Variants in PDE10A observed in about 807,000 individuals in gnomAD.
The protein encoded by PDE10A is cAMP and cAMP-inhibited cGMP 3',5'-cyclic phosphodiesterase 10A.
A neutral mutation model predicts 97.7 loss-of-function variants in PDE10A; 39 were observed. That is an observed-to-expected ratio of 0.40 (90% CI 0.31 to 0.52). The LOEUF is 0.52. Ranked by LOEUF, PDE10A falls within the 20% of genes least tolerant of loss-of-function variation. The pLI is 0.56. For missense variants in PDE10A, 731 were observed against 1,047.8 expected (o/e 0.70, Z 4.17); for synonymous variants, 371 against 376.8 (o/e 0.98, Z 0.18).
intron 1 of PDE10A, among the ~76,000 whole-genome samples, chr6:165,715,156 G>C (rs1444388166): frequency 6.6e-6 from 1 of 152,222 alleles, no homozygotes; most frequent in Non-Finnish European, 1.5e-5. Flanking sequence ...GGCCGGCGCT[G>C]CTTACACTCA....
At chr6:165,950,912 T>G (rs1392489690) in intron 1 of PDE10A, among the ~76,000 whole-genome samples, 1 of 152,248 alleles carries the variant, frequency 6.6e-6, no homozygotes, top group African/African-American at 2.4e-5. Flanking sequence ...TCTCTCATCC[T>G]GATTTAATAA....
intron 1 of PDE10A, among the ~76,000 whole-genome samples, chr6:165,876,671 G>T (rs1357437871): frequency 2.0e-5 from 3 of 152,158 alleles, no homozygotes; most frequent in Admixed American, 6.5e-5. Context: ...ACCTTCAGTG[G>T]TTAAAAACCT....
chr6:165,945,948 T>C (rs1411774344), intron 1 of PDE10A, among the ~76,000 whole-genome samples: 5 of 152,234 alleles, frequency 3.3e-5, no homozygotes, highest in Non-Finnish European at 5.9e-5. Flanking sequence ...TAATGTGCTA[T>C]TTTTACATTT....
chr6:165,629,319 G>A (rs1483765303), intron 1 of PDE10A, among the ~76,000 whole-genome samples: 1 of 152,016 alleles, frequency 6.6e-6, no homozygotes, highest in Non-Finnish European at 1.5e-5. Context: ...CCAATCCAAG[G>A]TATGACTTCA....
intron 1 of PDE10A, among the ~76,000 whole-genome samples, chr6:165,776,451 A>T (rs1277570638): frequency 1.3e-5 from 2 of 152,268 alleles, no homozygotes; most frequent in African/African-American, 2.4e-5. Flanking sequence ...GAAGGCAAAT[A>T]AATGTTTCAT....
At chr6:165,830,760 G>A (rs1427867319) in intron 1 of PDE10A, among the ~76,000 whole-genome samples, 1 of 152,164 alleles carries the variant, frequency 6.6e-6, no homozygotes, top group Non-Finnish European at 1.5e-5. Flanking sequence ...TAAATGCAGA[G>A]GTAATTAAAC....
chr6:165,672,827 TG>T (rs1790685877), intron 1 of PDE10A, among the ~76,000 whole-genome samples: 2 of 152,220 alleles, frequency 1.3e-5, no homozygotes, highest in South Asian at 4.1e-4. Flanking sequence ...CTAACACAGA[TG>T]GGTACTCGAA....
chr6:165,949,207 A>G (rs1783874474), intron 1 of PDE10A: 1 of 152,258 alleles, frequency 6.6e-6, no homozygotes. Context: ...CGATTAAGCC[A>G]TATTGGTCAC....
chr6:165,834,947 C>G (rs554110644), intron 1 of PDE10A, among the ~76,000 whole-genome samples: 4 of 152,342 alleles, frequency 2.6e-5, no homozygotes, highest in East Asian at 1.9e-4. Flanking sequence ...AGCCAGGGCT[C>G]CAGGTGGAGA....
At chr6:165,470,999 C>G (rs1778967262) in intron 3 of PDE10A, among the ~76,000 whole-genome samples, 1 of 152,062 alleles carries the variant, frequency 6.6e-6, no homozygotes, top group African/African-American at 2.4e-5. Context: ...TCAGGTAAAA[C>G]TCCATAAAAC....
intron 1 of PDE10A, among the ~76,000 whole-genome samples, chr6:165,721,947 T>C (rs1032675720): frequency 8.5e-5 from 13 of 152,208 alleles, no homozygotes; most frequent in African/African-American, 2.2e-4. Context: ...CTACAAATCA[T>C]TGGTGCAGAA....
At chr6:165,447,739 T>C (rs1475820644) in intron 5 of PDE10A, among the ~76,000 whole-genome samples, 1 of 152,234 alleles carries the variant, frequency 6.6e-6, no homozygotes, top group Non-Finnish European at 1.5e-5. Context: ...GGTAGTAATA[T>C]CTGAATAATG....
Position 165,388,181 on chromosome 6 carries a change from A to G in PDE10A, c.2610+117T>C. On this transcript the variant is annotated intron_variant, in intron 17 of 21. Coordinates refer to ENST00000539869, the MANE Select transcript of PDE10A (RefSeq NM_001385079.1). The surrounding 1 kb of genome is among the most constrained non-coding windows in gnomAD (Gnocchi z 4.0). ...GACTATAAATATAAGGTTCTACAAT[A>G]AAAAGTAGCTGTTGCTTTTAAGGAA... 1.2e-6 allele frequency: 1 copy of G among 818,552 alleles called. No individual in the cohort carries two copies. Among genetic ancestry groups the G allele is most frequent in the Non-Finnish European group, 2.0e-6 (1 of 503,930 alleles). 50.7% of individuals were successfully genotyped at this position (818,552 alleles called of 1,614,324 possible). A position where few individuals can be genotyped will look rare whatever the true frequency, so the allele number is the denominator to read the frequency against.
At chr6:165,725,933 G>A (rs1582998564) in intron 1 of PDE10A, among the ~76,000 whole-genome samples, 1 of 152,270 alleles carries the variant, frequency 6.6e-6, no homozygotes, top group Non-Finnish European at 1.5e-5. Flanking sequence ...GGGCTTTGAA[G>A]GAGTCTGTCC....
intron 1 of PDE10A, among the ~76,000 whole-genome samples, chr6:165,551,119 T>C (rs1583522755): frequency 6.6e-6 from 1 of 152,176 alleles, no homozygotes; most frequent in Admixed American, 6.5e-5. Flanking sequence ...TATTAACCTG[T>C]GTGTGTGTTC....
intron 2 of PDE10A, among the ~76,000 whole-genome samples, chr6:165,517,634 G>A (rs564704893): frequency 7.9e-5 from 12 of 152,222 alleles, no homozygotes; most frequent in Admixed American, 3.9e-4. Flanking sequence ...AAAAAGGCTC[G>A]ACACTGCATG....
intron 1 of PDE10A, among the ~76,000 whole-genome samples, chr6:165,784,602 C>G (rs1583084564): frequency 6.6e-6 from 1 of 152,120 alleles, no homozygotes; most frequent in Non-Finnish European, 1.5e-5. Context: ...CAAACAGCTC[C>G]CTTCTGATGG....
chr6:165,924,185 C>T (rs1782850577), intron 1 of PDE10A, among the ~76,000 whole-genome samples: 1 of 152,090 alleles, frequency 6.6e-6, no homozygotes. Context: ...TCATGGTTTC[C>T]AAGTTGGATA....
intron 1 of PDE10A, among the ~76,000 whole-genome samples, chr6:165,943,337 G>GATAGA (rs1783642077): frequency 9.6e-6 from 1 of 104,384 alleles, no homozygotes; most frequent in Non-Finnish European, 1.9e-5. Flanking sequence ...GAAAAAGAAA[G>GATAGA]AAAGAAAAGA....
Sources: allele counts gnomAD v4.1 joint callset (sites outside exome capture counted in the v4.1 genomes callset), GRCh38; gene constraint gnomAD v4.1.1; non-coding constraint Gnocchi (gnomAD v3.1); transcripts MANE v1.5; gene names NCBI Gene and HGNC (gene_info 2026-07-23, HGNC 2026-07-21).